Variants in C12orf42 observed in about 807,000 individuals in gnomAD.
C12orf42 encodes uncharacterized protein C12orf42.
A neutral mutation model predicts 21.6 loss-of-function variants in C12orf42; 25 were observed. The ratio of observed to expected loss-of-function variants is 1.16; its 90% CI spans 0.84 to 1.62. The LOEUF (loss-of-function observed/expected upper bound fraction) is 1.62, where lower values mean the gene tolerates loss of function less well. C12orf42 is among the 40% of genes most tolerant of loss of function. The pLI is 0.00. For synonymous variants in C12orf42, 174 were observed against 175.0 expected (o/e 0.99, Z 0.05); for missense variants, 483 against 459.3 (o/e 1.05, Z -0.47).
At chr12:103,261,309 A>G (rs2034887339) in intron 10 of C12orf42, among the ~76,000 whole-genome samples, 1 of 151,430 alleles carries the variant, frequency 6.6e-6, no homozygotes, top group East Asian at 1.9e-4. Flanking sequence ...CATCTCTACA[A>G]AAAAAAATGT....
chr12:103,305,686 T>C (rs1018652912), intron 5 of C12orf42, among the ~76,000 whole-genome samples: 2 of 152,152 alleles, frequency 1.3e-5, no homozygotes, highest in African/African-American at 4.8e-5. Context: ...TGGCACATGG[T>C]GAAAGCTTAA....
chr12:103,206,542 ACAC>A, the C12orf42 span, among the ~76,000 whole-genome samples: 2 of 151,850 alleles, frequency 1.3e-5, no homozygotes, highest in African/African-American at 4.8e-5. Context: ...ACACACACAC[ACAC>A]ATGATTAAAA....
intron 4 of C12orf42, among the ~76,000 whole-genome samples, chr12:103,363,940 G>C (rs1353714340): frequency 6.6e-6 from 1 of 152,040 alleles, no homozygotes; most frequent in Non-Finnish European, 1.5e-5. Flanking sequence ...AGGCCATCAT[G>C]GCAGAAAGTC....
intron 3 of C12orf42, among the ~76,000 whole-genome samples, chr12:103,393,075 C>A (rs949131933): frequency 6.6e-6 from 1 of 152,086 alleles, no homozygotes; most frequent in African/African-American, 2.4e-5. Flanking sequence ...TATTTAATTC[C>A]TTTTTTGGTC....
intron 1 of C12orf42, among the ~76,000 whole-genome samples, chr12:103,479,559 ATT>A (rs1954313691): frequency 6.6e-6 from 1 of 152,066 alleles, no homozygotes; most frequent in African/African-American, 2.4e-5. Context: ...CAAGTATGAT[ATT>A]TGTCATATTT....
chr12:103,423,176 C>A (rs1328416834), intron 2 of C12orf42, among the ~76,000 whole-genome samples: 13 of 152,220 alleles, frequency 8.5e-5, no homozygotes, highest in Admixed American at 8.5e-4. Flanking sequence ...GGGCCCCCAG[C>A]CCTTTGTCAC....
intron 2 of C12orf42, among the ~76,000 whole-genome samples, chr12:103,424,605 G>T (rs560484889): frequency 6.6e-6 from 1 of 152,218 alleles, no homozygotes; most frequent in African/African-American, 2.4e-5. Flanking sequence ...AAAGGAAGTT[G>T]TGAGGGACTG....
At chr12:103,061,484 C>T in the C12orf42 span, among the ~76,000 whole-genome samples, 1 of 150,978 alleles carries the variant, frequency 6.6e-6, no homozygotes, top group East Asian at 1.9e-4. Flanking sequence ...TGTTAGTATC[C>T]CATCATGATT....
chr12:103,136,351 A>G, the C12orf42 span, among the ~76,000 whole-genome samples: 1 of 152,216 alleles, frequency 6.6e-6, no homozygotes, highest in African/African-American at 2.4e-5. Flanking sequence ...GAAAAAAACT[A>G]CAAAACACTG....
At chr12:103,353,644 T>C (rs1246947416) in intron 4 of C12orf42, among the ~76,000 whole-genome samples, 2 of 152,168 alleles carry the variant, frequency 1.3e-5, no homozygotes, top group African/African-American at 4.8e-5. Context: ...GGTTTGTATT[T>C]GCATCATTTC....
intron 10 of C12orf42, among the ~76,000 whole-genome samples, chr12:103,244,380 T>A (rs969052228): frequency 6.6e-6 from 1 of 151,876 alleles, no homozygotes; most frequent in East Asian, 1.9e-4. Context: ...CATGCATAGG[T>A]TGGCTCAGGA....
chr12:103,445,742 C>G (rs929109490), intron 2 of C12orf42, among the ~76,000 whole-genome samples: 1 of 152,030 alleles, frequency 6.6e-6, no homozygotes, highest in African/African-American at 2.4e-5. Flanking sequence ...CGAATGGAAT[C>G]AATTCTTTAA....
At chr12:103,313,806 C>T (rs550797743) in intron 4 of C12orf42, among the ~76,000 whole-genome samples, 3 of 152,264 alleles carry the variant, frequency 2.0e-5, no homozygotes, top group Non-Finnish European at 4.4e-5. Context: ...CAGTGTTTGC[C>T]TCAGCTTATA....
the C12orf42 span, among the ~76,000 whole-genome samples, chr12:103,127,824 G>A: frequency 2.0e-5 from 3 of 152,076 alleles, no homozygotes; most frequent in East Asian, 1.9e-4. Context: ...TAGTACTTAC[G>A]AGAACATTCT....
chr12:103,462,508 T>C (rs1952806963), intron 2 of C12orf42, among the ~76,000 whole-genome samples: 1 of 152,150 alleles, frequency 6.6e-6, no homozygotes, highest in African/African-American at 2.4e-5. Flanking sequence ...TCATAGGTGG[T>C]TGCTGTAGCA....
At chr12:103,065,480 C>T in the C12orf42 span, among the ~76,000 whole-genome samples, 1 of 152,194 alleles carries the variant, frequency 6.6e-6, no homozygotes, top group Non-Finnish European at 1.5e-5. Flanking sequence ...TATCAACTCC[C>T]TGGCTTTGTG....
intron 2 of C12orf42, among the ~76,000 whole-genome samples, chr12:103,426,980 A>G (rs1276323095): frequency 6.6e-6 from 1 of 152,144 alleles, no homozygotes; most frequent in African/African-American, 2.4e-5. Context: ...GAAAGAAAAA[A>G]CCAGTACCAG....
the C12orf42 span, among the ~76,000 whole-genome samples, chr12:103,198,338 A>T: frequency 1.3e-5 from 2 of 152,176 alleles, no homozygotes; most frequent in African/African-American, 4.8e-5. Context: ...GTGGTTGGGC[A>T]TGTGAGGCTG....
At chr12:103,176,933 G>A in the C12orf42 span, among the ~76,000 whole-genome samples, 1 of 151,996 alleles carries the variant, frequency 6.6e-6, no homozygotes, top group Non-Finnish European at 1.5e-5. Flanking sequence ...AGGAACTGAG[G>A]TCTAATAGAA....
Sources: allele counts gnomAD v4.1 joint callset (sites outside exome capture counted in the v4.1 genomes callset), GRCh38; gene constraint gnomAD v4.1.1; transcripts MANE v1.5; gene names NCBI Gene and HGNC (gene_info 2026-07-23, HGNC 2026-07-21).